CYFIP1: variants seen among roughly 807,000 people sequenced by gnomAD.
CYFIP1 encodes cytoplasmic FMR1 interacting protein 1, also known as cytoplasmic FMR1-interacting protein 1.
Under a neutral mutation model 163.5 loss-of-function variants are expected in CYFIP1, and 58 were observed. The observed-to-expected ratio is 0.35, with a 90% CI of 0.29 to 0.44. The LOEUF (loss-of-function observed/expected upper bound fraction) is 0.44. CYFIP1 is among the 20% of genes least tolerant of loss of function. The pLI is 1.00. For synonymous variants in CYFIP1, 663 were observed against 660.7 expected (o/e 1.00, Z -0.05); for missense variants, 1,338 against 1,653.8 (o/e 0.81, Z 3.31).
intron 23 of CYFIP1, 32 bp from the exon 24 acceptor site, chr15:22,883,043 G>A: frequency 6.2e-7 from 1 of 1,607,932 alleles, no homozygotes; most frequent in Non-Finnish European, 8.5e-7. Flanking sequence ...TCTCAGCATG[G>A]TCCCCGCACA....
At chr15:22,949,014 G>C (rs1052717210) in intron 1 of CYFIP1, among the ~76,000 whole-genome samples, 9 of 151,452 alleles carry the variant, frequency 5.9e-5, no homozygotes, top group African/African-American at 2.2e-4. Flanking sequence ...TGAAAAAAAT[G>C]ACAGAAAACA....
At chr15:22,979,757 C>T (rs1447866340) in intron 1 of CYFIP1, among the ~76,000 whole-genome samples, 2 of 152,194 alleles carry the variant, frequency 1.3e-5, no homozygotes, top group Non-Finnish European at 2.9e-5. Context: ...ACTCCTCTCT[C>T]CAAGAATGCC....
At position 22,872,927 on chromosome 15, in the gene CYFIP1, G is replaced by A. The variant is rs145627083; in HGVS notation, c.3495C>T (p.Ile1165=). 80 of 1,614,102 alleles carry A rather than the reference G, an allele frequency of 5.0e-5. No homozygotes were observed. Among genetic ancestry groups the A allele is most frequent in the Non-Finnish European group, 5.9e-5 (70 of 1,179,998 alleles). The change falls in exon 30 of 31, where the codon ATC becomes ATT. Residue 1165 remains isoleucine, a synonymous_variant. Transcript: ENST00000617928. The part of the protein sequence containing the change: ...DGLHWAGCMI[I]VLLGQQRRFA... ...AACGCCGCTGCTGCCCAAGAAGTACGATGATCATACAGCCAGCCCAGTGTA... is the reference window on the plus strand; with the variant it reads ...AACGCCGCTGCTGCCCAAGAAGTACAATGATCATACAGCCAGCCCAGTGTA...
chr15:22,887,332 C>T lies in CYFIP1; in HGVS notation c.2677-4321G>A, dbSNP rs139461753. 5.0e-3 allele frequency among the ~76,000 whole-genome samples: 756 copies of T among 152,260 alleles called. 9 individuals are homozygous for T. Among genetic ancestry groups the T allele is most frequent in the African/African-American group, 0.017 (711 of 41,544 alleles). ...GTGTCTGTCCCAGGCCCAAGCCCTG[C>T]GGCCCGCTGCAACCTTGAAGAAACC... On this transcript the variant is annotated intron_variant, in intron 23 of 30. Transcript: ENST00000617928.
intron 21 of CYFIP1, among the ~76,000 whole-genome samples, chr15:22,906,795 C>A (rs777582221): frequency 6.6e-6 from 1 of 152,176 alleles, no homozygotes; most frequent in Non-Finnish European, 1.5e-5. Context: ...TTTCTTTTAG[C>A]TCACTGTGAA....
chr15:22,959,041 G>A (rs1473311377), intron 1 of CYFIP1, among the ~76,000 whole-genome samples: 1 of 152,118 alleles, frequency 6.6e-6, no homozygotes, highest in African/African-American at 2.4e-5. Flanking sequence ...CCCCAGGTGG[G>A]GCCCTCAGGA....
chr15:22,878,669 T>A lies in CYFIP1; in HGVS notation c.3042+1244A>T, dbSNP rs1387414002. Reference sequence around the variant, plus strand: ...TACTGAAAGTTCCATGTGCAGATGGTAGATTAAAAAAAAAAAAAAGTGCTA... The same window carrying A: ...TACTGAAAGTTCCATGTGCAGATGGAAGATTAAAAAAAAAAAAAAGTGCTA... On this transcript the variant is annotated intron_variant, in intron 26 of 30. Coordinates refer to ENST00000617928, the MANE Select transcript of CYFIP1 (RefSeq NM_014608.6). 7.4e-5 allele frequency among the ~76,000 whole-genome samples: 10 copies of A among 135,636 alleles called. No homozygotes were observed. The East Asian group carries it at 9.1e-4, about 12-fold the overall frequency. 89.0% of individuals were successfully genotyped at this position (135,636 alleles called of 152,430 possible).
chr15:22,957,518 G>T (rs367826124), intron 1 of CYFIP1, among the ~76,000 whole-genome samples: 2 of 152,048 alleles, frequency 1.3e-5, no homozygotes, highest in Non-Finnish European at 2.9e-5. Context: ...CGCCTGTAGT[G>T]CCAGCTACTA....
intron 6 of CYFIP1, 143 bp from the exon 7 acceptor site, chr15:22,939,650 C>G (rs2346695): frequency 0.46 from 320,762 of 700,198 alleles, 76,033 homozygotes; most frequent in Middle Eastern, 0.56. Flanking sequence ...TCAGAAGCCA[C>G]CTATGATTTC....
intron 22 of CYFIP1, among the ~76,000 whole-genome samples, chr15:22,894,860 ATT>A (rs1491507004): frequency 8.2e-4 from 106 of 128,774 alleles, no homozygotes; most frequent in East Asian, 2.6e-3. Flanking sequence ...TATATTATAT[ATT>A]TTATATATAT....
intron 1 of CYFIP1, among the ~76,000 whole-genome samples, chr15:22,964,402 CACACA>C (rs2140221820): frequency 2.0e-5 from 3 of 146,664 alleles, no homozygotes; most frequent in Non-Finnish European, 4.5e-5. Flanking sequence ...CACACACACA[CACACA>C]CCCGGCAGCC....
intron 22 of CYFIP1, among the ~76,000 whole-genome samples, chr15:22,901,832 A>C (rs2060403294): frequency 1.3e-5 from 2 of 152,340 alleles, no homozygotes; most frequent in South Asian, 4.1e-4. Flanking sequence ...TCCTGTTTTA[A>C]AATGCCTTTC....
rs566481924 is a variant in CYFIP1, at chr15:22,957,039, A to G, written c.-6-9748T>C. 6.5e-4 allele frequency among the ~76,000 whole-genome samples: 99 copies of G among 152,384 alleles called. 1 individual carries two copies. Among genetic ancestry groups the G allele is most frequent in the Non-Finnish European group, 5.0e-4 (34 of 68,036 alleles). On this transcript the variant is annotated intron_variant, in intron 1 of 30. Transcript: ENST00000617928. ...AGGTTGCAAAATGTGGAGAAGCCAC[A>G]ATCCAGAAAATGCAGAAGCGAAGGC... is the stretch of plus-strand genomic sequence containing the variant.
intron 13 of CYFIP1, 138 bp downstream of exon 13, chr15:22,925,844 A>C: frequency 7.8e-7 from 1 of 1,274,178 alleles, no homozygotes; most frequent in Non-Finnish European, 1.1e-6. Context: ...TACTCTGACT[A>C]CTCTGCCAGA....
Position 22,932,242 on chromosome 15 carries a change from G to A in CYFIP1, c.1091C>T (p.Ala364Val), listed in dbSNP as rs569768747. 4.5e-5 allele frequency: 73 copies of A among 1,611,184 alleles called. No homozygotes were observed. Among genetic ancestry groups the A allele is most frequent in the Non-Finnish European group, 6.0e-5 (71 of 1,178,494 alleles). ...EDHMRFISELARYSNSEVVTG... is the reference protein window; with the variant it reads ...EDHMRFISELVRYSNSEVVTG... Reference sequence around the variant, plus strand: ...GCGCACCTCGCTGTTGCTGTAGCGCGCCAGCTCCGAAATGAAGCGCATGTG... The same window carrying A: ...GCGCACCTCGCTGTTGCTGTAGCGCACCAGCTCCGAAATGAAGCGCATGTG... Residue 364 changes from alanine to valine, a missense_variant, in exon 11 of 31, where the codon GCG becomes GTG. Transcript: ENST00000617928.
intron 10 of CYFIP1, among the ~76,000 whole-genome samples, chr15:22,933,028 C>T: frequency 6.6e-6 from 1 of 151,794 alleles, no homozygotes; most frequent in South Asian, 2.1e-4. Flanking sequence ...CAGTCAAGGT[C>T]TCACTGTGTT....
chr15:22,969,499 T>C (rs1408261994), intron 1 of CYFIP1, among the ~76,000 whole-genome samples: 1 of 152,200 alleles, frequency 6.6e-6, no homozygotes, highest in African/African-American at 2.4e-5. Flanking sequence ...ACAAAAAAAT[T>C]CATACAAATG....
At chr15:22,914,689 C>T in intron 17 of CYFIP1, 37 bp downstream of exon 17, 2 of 1,573,976 alleles carry the variant, frequency 1.3e-6, no homozygotes, top group Non-Finnish European at 1.7e-6. Context: ...CCGGTCACCA[C>T]ACACAAAGGC....
At position 22,917,081 on chromosome 15, in the gene CYFIP1, G is replaced by C; in HGVS notation, c.1675-451C>G. ...GGCAGGAGAGAGACGTTAGTCACTC[G>C]ACACACACACCCCAGGCAGGGACAC... is the stretch of plus-strand genomic sequence containing the variant. On this transcript the variant is annotated intron_variant, in intron 15 of 30. Transcript: ENST00000617928. This position sits in a 1 kb window ranked among gnomAD's most constrained non-coding sequence, Gnocchi z 4.2. The C allele has an allele frequency of 4.0e-6, 6 of 1,483,080 alleles. No homozygotes were observed. In the South Asian group the frequency reaches 8.3e-5, roughly 20 times the overall value. The allele number at this position is 1,483,080 out of a possible 1,614,324, so 91.9% of individuals were successfully genotyped here. A position where few individuals can be genotyped will look rare whatever the true frequency, so the allele number is the denominator to read the frequency against.
Sources: allele counts gnomAD v4.1 joint callset (sites outside exome capture counted in the v4.1 genomes callset), GRCh38; gene constraint gnomAD v4.1.1; non-coding constraint Gnocchi (gnomAD v3.1); transcripts MANE v1.5; gene names NCBI Gene and HGNC (gene_info 2026-07-23, HGNC 2026-07-21).